Variants in NRXN3 observed in about 807,000 individuals in gnomAD.
NRXN3 encodes the protein neurexin III.
A neutral mutation model predicts 137.6 loss-of-function variants in NRXN3; 32 were observed. The observed-to-expected ratio is 0.23, with a 90% confidence interval of 0.18 to 0.31. NRXN3 has a LOEUF of 0.31. Among genes scored for constraint, NRXN3 ranks in the 10% least tolerant of loss-of-function variants. NRXN3 has a pLI of 1.00. For synonymous variants in NRXN3, 798 were observed against 784.5 expected (o/e 1.02, Z -0.29); for missense variants, 1,574 against 2,062.5 (o/e 0.76, Z 4.59).
At chr14:79,271,614 G>A (rs2079340603) in intron 15 of NRXN3, among the ~76,000 whole-genome samples, 1 of 146,708 alleles carries the variant, frequency 6.8e-6, no homozygotes. Context: ...GCCGTGCCTT[G>A]CCTTTCTGTA....
At chr14:79,341,941 T>C (rs2092630352) in intron 15 of NRXN3, among the ~76,000 whole-genome samples, 1 of 152,190 alleles carries the variant, frequency 6.6e-6, no homozygotes, top group South Asian at 2.1e-4. Context: ...GTAAATACAA[T>C]GGTAATAGAA....
At chr14:79,342,791 C>T (rs1018048701) in intron 15 of NRXN3, among the ~76,000 whole-genome samples, 1 of 152,128 alleles carries the variant, frequency 6.6e-6, no homozygotes, top group Non-Finnish European at 1.5e-5. Context: ...CCAATGGGTT[C>T]ACCTTGTCTG....
At chr14:79,678,747 A>C (rs2098653988) in intron 17 of NRXN3, among the ~76,000 whole-genome samples, 1 of 152,142 alleles carries the variant, frequency 6.6e-6, no homozygotes, top group Non-Finnish European at 1.5e-5. Flanking sequence ...GCTTTTTGAC[A>C]AGACAGCAAT....
At chr14:79,118,733 G>C (rs183888220) in intron 15 of NRXN3, among the ~76,000 whole-genome samples, 1 of 150,522 alleles carries the variant, frequency 6.6e-6, no homozygotes, top group Non-Finnish European at 1.5e-5. Context: ...TTGATGAATA[G>C]TGGGAAAGTG....
In NRXN3 at chr14:78,454,018, A is replaced by C. The variant is rs1307925379; in HGVS notation, c.757+156158A>C. 2.6e-5 allele frequency among the ~76,000 whole-genome samples: 4 copies of C among 152,210 alleles called. 1 individual carries two copies. On this transcript the variant is annotated intron_variant, in intron 4 of 20. Coordinates refer to ENST00000335750, the MANE Select transcript of NRXN3 (RefSeq NM_001330195.2). ...TTTGTCGTACTTTGTTGCCCTAAAA[A>C]ACTAATACACCACTGAACCAAGATA...
chr14:79,606,497 A>C (rs1032581588), intron 16 of NRXN3, among the ~76,000 whole-genome samples: 2 of 152,206 alleles, frequency 1.3e-5, no homozygotes, highest in Non-Finnish European at 2.9e-5. Context: ...AAAAGTGGGA[A>C]CAGCAGCAGT....
intron 10 of NRXN3, among the ~76,000 whole-genome samples, chr14:78,887,220 G>A (rs1391271991): frequency 2.0e-5 from 3 of 152,112 alleles, no homozygotes; most frequent in African/African-American, 7.2e-5. Flanking sequence ...ATTATGTTCA[G>A]ATAGATTTGG....
At chr14:78,617,734 C>T (rs547953336) in intron 4 of NRXN3, among the ~76,000 whole-genome samples, 1 of 152,140 alleles carries the variant, frequency 6.6e-6, no homozygotes, top group South Asian at 2.1e-4. Context: ...AGGTGTTAGA[C>T]TAGAAGATCA....
chr14:78,388,236 G>A (rs575133998), intron 4 of NRXN3, among the ~76,000 whole-genome samples: 2 of 152,190 alleles, frequency 1.3e-5, no homozygotes, highest in East Asian at 1.9e-4. Context: ...ACTGAAATTC[G>A]CGCTTCTGAC....
intron 4 of NRXN3, among the ~76,000 whole-genome samples, chr14:78,415,345 G>A (rs1034642354): frequency 2.0e-5 from 3 of 152,178 alleles, no homozygotes; most frequent in African/African-American, 7.2e-5. Context: ...GGCTGTGTCA[G>A]TTCTTTATTC....
At chr14:78,297,457 G>C (rs1298996991) in intron 3 of NRXN3, among the ~76,000 whole-genome samples, 5 of 152,140 alleles carry the variant, frequency 3.3e-5, no homozygotes, top group East Asian at 1.9e-4. Context: ...TACTTTACCT[G>C]GCGTCTTAAG....
intron 4 of NRXN3, among the ~76,000 whole-genome samples, chr14:78,581,968 G>A (rs2097002841): frequency 6.6e-6 from 1 of 152,196 alleles, no homozygotes; most frequent in South Asian, 2.1e-4. Context: ...ATATCTGTTT[G>A]TACCTTTCTT....
intron 4 of NRXN3, among the ~76,000 whole-genome samples, chr14:78,562,155 T>C (rs1372539838): frequency 1.3e-5 from 2 of 151,856 alleles, no homozygotes; most frequent in African/African-American, 4.8e-5. Flanking sequence ...TCCCAGCACT[T>C]TGGGAGGCCG....
intron 10 of NRXN3, among the ~76,000 whole-genome samples, chr14:78,875,460 C>T (rs2099111802): frequency 7.4e-6 from 1 of 134,560 alleles, no homozygotes; most frequent in Non-Finnish European, 1.5e-5. Flanking sequence ...TTAAAGCATA[C>T]AGTGCCGTAA....
chr14:78,180,442 G>T (rs929969945), intron 1 of NRXN3, among the ~76,000 whole-genome samples: 1 of 152,242 alleles, frequency 6.6e-6, no homozygotes, highest in Non-Finnish European at 1.5e-5. Flanking sequence ...ATTAAGTTAA[G>T]TGCTTTGCAT....
intron 16 of NRXN3, among the ~76,000 whole-genome samples, chr14:79,469,207 A>C (rs567896384): frequency 3.3e-4 from 51 of 152,330 alleles, no homozygotes; most frequent in African/African-American, 1.2e-3. Context: ...TGAGTCAAAT[A>C]GTGTACTATT....
At chr14:78,389,929 T>C in intron 4 of NRXN3, among the ~76,000 whole-genome samples, 1 of 152,348 alleles carries the variant, frequency 6.6e-6, no homozygotes, top group South Asian at 2.1e-4. Flanking sequence ...AAATTACTTA[T>C]ATTTGCTTTC....
chr14:79,140,767 C>T (rs1014700446), intron 15 of NRXN3, among the ~76,000 whole-genome samples: 13 of 152,032 alleles, frequency 8.6e-5, no homozygotes, highest in Non-Finnish European at 8.8e-5. Context: ...TCTTTTAGGC[C>T]ATTTCCTTCC....
At chr14:78,548,446 A>G (rs1327007584) in intron 4 of NRXN3, among the ~76,000 whole-genome samples, 1 of 152,182 alleles carries the variant, frequency 6.6e-6, no homozygotes, top group East Asian at 1.9e-4. Context: ...AACAAAGGTG[A>G]TTGCTCAAAT....
Sources: allele counts gnomAD v4.1 joint callset (sites outside exome capture counted in the v4.1 genomes callset), GRCh38; gene constraint gnomAD v4.1.1; transcripts MANE v1.5; gene names NCBI Gene and HGNC (gene_info 2026-07-23, HGNC 2026-07-21).